PTPRS: variants seen among roughly 807,000 people sequenced by gnomAD.
PTPRS encodes the protein protein tyrosine phosphatase receptor type S.
Under a neutral mutation model 215.3 loss-of-function variants are expected in PTPRS, and 63 were observed. The observed-to-expected ratio is 0.29, with a 90% confidence interval of 0.24 to 0.36. The LOEUF (loss-of-function observed/expected upper bound fraction) is 0.36. PTPRS is among the 10% of genes least tolerant of loss of function. The pLI is 1.00. For synonymous variants in PTPRS, 1,404 were observed against 1,191.4 expected, an observed-to-expected ratio of 1.18 and a Z score of -3.68; for missense variants, 2,258 against 2,825.8, an observed-to-expected ratio of 0.80 and a Z score of 4.56.
Position 5,207,988 on chromosome 19 carries a change from G to A in PTPRS, c.5712C>T (p.Gly1904=), listed in dbSNP as rs368528400. Residue 1904 remains glycine, a synonymous_variant, in exon 37 of 38, where the codon GGC becomes GGT. Coordinates refer to ENST00000262963, the MANE Select transcript of PTPRS (RefSeq NM_002850.4). ...TCACCGTCTGAAAGATGTCCACCAC[G>A]CCTTCATACCGCATCCGCTCCAGCA... ...SIVLERMRYE[G]VVDIFQTVKM... is the part of the protein sequence containing the mutation. 3.5e-5 allele frequency: 56 copies of A among 1,613,958 alleles called. No individual in the cohort carries two copies. The highest frequency in any genetic ancestry group is 1.1e-4 in the African/African-American group (8 of 74,948).
chr19:5,218,854 G>A, intron 23 of PTPRS, 56 bp from the exon 24 acceptor site: 1 of 1,536,054 alleles, frequency 6.5e-7, no homozygotes, highest in Admixed American at 1.9e-5. Flanking sequence ...AAAGGTGAGG[G>A]TGTGCCGGCC....
At chr19:5,229,046 G>A (rs1166829271) in intron 16 of PTPRS, among the ~76,000 whole-genome samples, 3 of 152,236 alleles carry the variant, frequency 2.0e-5, no homozygotes, top group Non-Finnish European at 4.4e-5. Context: ...ATCAGGGTGA[G>A]AGGATTCAGG....
rs1017998204 is a variant in PTPRS at position 5,293,439 on chromosome 19, C to G, written c.-94-7205G>C. On this transcript the variant is annotated intron_variant, in intron 1 of 37. Coordinates refer to ENST00000262963, the MANE Select transcript of PTPRS (RefSeq NM_002850.4). This position sits in a 1 kb window ranked among gnomAD's most constrained non-coding sequence, Gnocchi z 8.4. ...GAGCCCCATCTGGAGGCGCGGAGAG[C>G]CTCCGCAGGAGTCCATGAAACACTG... 6.6e-6 allele frequency among the ~76,000 whole-genome samples: 1 copy of G among 151,764 alleles called. No homozygotes were observed. Among genetic ancestry groups the G allele is most frequent in the Non-Finnish European group, 1.5e-5 (1 of 67,864 alleles).
chr19:5,321,656 T>C (rs2050027427), intron 1 of PTPRS, among the ~76,000 whole-genome samples: 1 of 152,254 alleles, frequency 6.6e-6, no homozygotes, highest in Admixed American at 6.5e-5. Flanking sequence ...AAACTGAGAC[T>C]GAGAAGTTCA....
rs370583972 is a variant in PTPRS, at chr19:5,237,768, C to T, written c.1849+1151G>A. On this transcript the variant is annotated intron_variant, in intron 13 of 37. Transcript: ENST00000262963. This position sits in a 1 kb window ranked among gnomAD's most constrained non-coding sequence, Gnocchi z 4.2. ...CCACCCTCACTGACTCCACCTCACA[C>T]AGACGCGCCCAGACGCCTTGGAGCC... Among the ~76,000 whole-genome samples the T allele has an allele frequency of 6.6e-6, 1 of 152,252 alleles. No individual in the cohort carries two copies. Among genetic ancestry groups the T allele is most frequent in the African/African-American group, 2.4e-5 (1 of 41,560 alleles).
In PTPRS at chr19:5,207,940, C is replaced by A; in HGVS notation, c.5760G>T (p.Pro1920=). 1 of 1,613,930 alleles carries A rather than the reference C, an allele frequency of 6.2e-7. No individual in the cohort carries two copies. Among genetic ancestry groups the A allele is most frequent in the Non-Finnish European group, 8.5e-7 (1 of 1,179,992 alleles). The change falls in exon 37 of 38, where the codon CCG becomes CCT. Residue 1920 remains proline, a synonymous_variant. Coordinates refer to ENST00000262963, the MANE Select transcript of PTPRS (RefSeq NM_002850.4). ...TCTTTACCTCTGTCTGCACCATGGC[C>A]GGCCGCTGGGTTCGTAGCATCTTCA... The part of the protein sequence containing the change: ...QTVKMLRTQR[P]AMVQTEDEYQ...
rs907512650 is a variant in PTPRS, at chr19:5,257,154, A to C, written c.706+863T>G. ...AAGAGCCAACACACGAGATAAGAGG[A>C]GGCCAACGGAGGCATCTGGGGGCAA... is the stretch of plus-strand genomic sequence containing the variant. On this transcript the variant is annotated intron_variant, in intron 8 of 37. Transcript: ENST00000262963. This position sits in a 1 kb window ranked among gnomAD's most constrained non-coding sequence, Gnocchi z 4.4. Among the ~76,000 whole-genome samples, 1 of 149,926 alleles carries C rather than the reference A, an allele frequency of 6.7e-6. No homozygotes were observed. The highest frequency in any genetic ancestry group is 1.5e-5 in the Non-Finnish European group (1 of 67,516).
At position 5,274,356 on chromosome 19, in the gene PTPRS, G is replaced by A; in HGVS notation, c.92-12C>T. 6.6e-7 allele frequency: 1 copy of A among 1,511,020 alleles called. No individual in the cohort carries two copies. Among genetic ancestry groups the A allele is most frequent in the Non-Finnish European group, 9.0e-7 (1 of 1,109,808 alleles). The allele number at this position is 1,511,020 out of a possible 1,614,324, so 93.6% of individuals were successfully genotyped here. A position where few individuals can be genotyped will look rare whatever the true frequency, so the allele number is the denominator to read the frequency against. Reference sequence around the variant, plus strand: ...AAACCTGGGGGGCTCTGGGGATACAGTGGAAAGAAGGGGGGGCGCTGATGG... The same window carrying A: ...AAACCTGGGGGGCTCTGGGGATACAATGGAAAGAAGGGGGGGCGCTGATGG... On this transcript the variant is annotated splice_polypyrimidine_tract_variant and intron_variant, in intron 2 of 37. Coordinates refer to ENST00000262963, the MANE Select transcript of PTPRS (RefSeq NM_002850.4).
At chr19:5,226,272 C>G (rs939746071) in intron 16 of PTPRS, among the ~76,000 whole-genome samples, 5 of 152,224 alleles carry the variant, frequency 3.3e-5, no homozygotes, top group African/African-American at 1.2e-4. Context: ...TGCTGTTCCT[C>G]CAATGCACCA....
chr19:5,216,956 G>T (rs2041533530), intron 25 of PTPRS, among the ~76,000 whole-genome samples, 189 bp from the exon 26 acceptor site: 1 of 152,172 alleles, frequency 6.6e-6, no homozygotes, highest in Non-Finnish European at 1.5e-5. Flanking sequence ...TACCCCTCTG[G>T]CTGGACACCA....
At chr19:5,314,270 G>A (rs2049803421) in intron 1 of PTPRS, among the ~76,000 whole-genome samples, 1 of 152,128 alleles carries the variant, frequency 6.6e-6, no homozygotes, top group Admixed American at 6.6e-5. Flanking sequence ...TCCCTGACTT[G>A]GATCAACCTT....
chr19:5,268,179 A>T (rs759224102), intron 4 of PTPRS, among the ~76,000 whole-genome samples: 22 of 132,066 alleles, frequency 1.7e-4, no homozygotes, highest in Non-Finnish European at 3.2e-4. Context: ...CAAAATAAAT[A>T]AATAAATAAA....
chr19:5,312,548 C>A (rs1041446476), intron 1 of PTPRS, among the ~76,000 whole-genome samples: 2 of 152,028 alleles, frequency 1.3e-5, no homozygotes, highest in African/African-American at 4.8e-5. Context: ...GTAGTCCCAG[C>A]CACTTGAGAG....
In PTPRS at chr19:5,273,357, G is replaced by A. The variant is rs757343002; in HGVS notation, c.379+85C>T. 3 of 1,592,050 alleles carry A rather than the reference G, an allele frequency of 1.9e-6. No individual in the cohort carries two copies. In the East Asian group the frequency reaches 6.7e-5, roughly 36 times the overall value. On this transcript the variant is annotated intron_variant, in intron 4 of 37. Transcript: ENST00000262963. Reference sequence around the variant, plus strand: ...AAAAAACACAAAGCAGGAGGGTTTGGGGTAACTTTCATGTATTCCTTTTGT... The same window carrying A: ...AAAAAACACAAAGCAGGAGGGTTTGAGGTAACTTTCATGTATTCCTTTTGT...
chr19:5,231,169 G>T, intron 14 of PTPRS, 141 bp downstream of exon 14: 2 of 900,586 alleles, frequency 2.2e-6, no homozygotes, highest in Non-Finnish European at 3.3e-6. Context: ...CGGATTTCTC[G>T]GGGAGGCTGC....
rs1568348655 is a variant in PTPRS at position 5,206,039 on chromosome 19, C to T, written c.*735G>A. Among the ~76,000 whole-genome samples, 1 of 134,652 alleles carries T rather than the reference C, an allele frequency of 7.4e-6. No homozygotes were observed. The highest frequency in any genetic ancestry group is 1.6e-5 in the Non-Finnish European group (1 of 64,472). The allele number at this position is 134,652 out of a possible 152,430, so 88.3% of individuals were successfully genotyped here. On this transcript the variant is annotated 3_prime_UTR_variant, in exon 38 of 38. Transcript: ENST00000262963. ...CCCATTCTTCTGTGAGCAAAGCACA[C>T]TTTCTGATGGTAGGAAAAATTAAAA...
rs1425755141 is a variant in PTPRS, at chr19:5,338,877, G to A, written c.-95+1787C>T. 3.3e-5 allele frequency among the ~76,000 whole-genome samples: 5 copies of A among 152,292 alleles called. No homozygotes were observed. The highest frequency in any genetic ancestry group is 9.6e-5 in the African/African-American group (4 of 41,568). On this transcript the variant is annotated intron_variant, in intron 1 of 37. Coordinates refer to ENST00000262963, the MANE Select transcript of PTPRS (RefSeq NM_002850.4). This position sits in a 1 kb window ranked among gnomAD's most constrained non-coding sequence, Gnocchi z 4.2. ...AGAAAGAGGGAAGAAGGGCGCCCCAGACAAAGAGGCGCCGTCACCCTCTGC... is the reference window on the plus strand; with the variant it reads ...AGAAAGAGGGAAGAAGGGCGCCCCAAACAAAGAGGCGCCGTCACCCTCTGC...
chr19:5,276,970 C>T (rs2047426353), intron 2 of PTPRS, among the ~76,000 whole-genome samples: 1 of 152,052 alleles, frequency 6.6e-6, no homozygotes, highest in Non-Finnish European at 1.5e-5. Context: ...TTTGCATCTC[C>T]CAGAGGGACA....
At chr19:5,266,964 C>T (rs1454102829) in intron 4 of PTPRS, among the ~76,000 whole-genome samples, 2 of 152,152 alleles carry the variant, frequency 1.3e-5, no homozygotes, top group Admixed American at 1.3e-4. Flanking sequence ...ACTCCTCACT[C>T]TCCTCTGCAG....
Sources: allele counts gnomAD v4.1 joint callset (sites outside exome capture counted in the v4.1 genomes callset), GRCh38; gene constraint gnomAD v4.1.1; non-coding constraint Gnocchi (gnomAD v3.1); transcripts MANE v1.5; gene names NCBI Gene and HGNC (gene_info 2026-07-23, HGNC 2026-07-21).